Variants in PCDHGB4 observed in about 807,000 individuals in gnomAD.
PCDHGB4 encodes protocadherin gamma subfamily B, 4.
A neutral mutation model predicts 60.5 loss-of-function variants in PCDHGB4; 38 were observed. That is an observed-to-expected ratio of 0.63 (90% CI 0.48 to 0.82). The LOEUF is 0.82. PCDHGB4 is among the 40% of genes least tolerant of loss of function. The pLI, the probability that PCDHGB4 is intolerant of heterozygous loss-of-function variation, is 0.00. For synonymous variants in PCDHGB4, 456 were observed against 509.7 expected, an observed-to-expected ratio of 0.89 and a Z score of 1.42; for missense variants, 1,109 against 1,209.6, an observed-to-expected ratio of 0.92 and a Z score of 1.23.
In PCDHGB4 at chr5:141,432,278, A is replaced by G. The variant is rs923930127; in HGVS notation, c.2397+41997A>G. On this transcript the variant is annotated intron_variant, in intron 1 of 3. Transcript: ENST00000519479. The surrounding 1 kb of genome is among the most constrained non-coding windows in gnomAD (Gnocchi z 6.0). ...GGCAAGCCTATCGTCCTACGTGTCC[A>G]TCAACTCCGACACTGGGGTACTGTA... 3.7e-5 allele frequency: 59 copies of G among 1,614,078 alleles called. No individual in the cohort carries two copies. Among genetic ancestry groups the G allele is most frequent in the Non-Finnish European group, 4.7e-5 (55 of 1,180,036 alleles).
Position 141,486,650 on chromosome 5 carries a change from T to C in PCDHGB4, c.2398-8157T>C, listed in dbSNP as rs1321605826. On this transcript the variant is annotated intron_variant, in intron 1 of 3. Coordinates refer to ENST00000519479, the MANE Select transcript of PCDHGB4 (RefSeq NM_003736.4). The surrounding 1 kb of genome is among the most constrained non-coding windows in gnomAD (Gnocchi z 5.0). ...TGGCTTGAATGCGCTTATCTCCTAC[T>C]CACTCCTGGAGCCCAGGAATCGAGA... is the stretch of plus-strand genomic sequence containing the variant. The C allele has an allele frequency of 6.2e-7, 1 of 1,613,834 alleles. No individual in the cohort carries two copies. Among genetic ancestry groups the C allele is most frequent in the African/African-American group, 1.3e-5 (1 of 74,938 alleles).
At chr5:141,478,926 G>A in intron 1 of PCDHGB4, 1 of 687,216 alleles carries the variant, frequency 1.5e-6, no homozygotes, top group Non-Finnish European at 2.3e-6. Flanking sequence ...CTAACCAGTG[G>A]CAGCTTCTAG....
chr5:141,404,764 C>A lies in PCDHGB4; in HGVS notation c.2397+14483C>A, dbSNP rs371618979. 152 of 1,613,920 alleles carry A rather than the reference C, an allele frequency of 9.4e-5. 1 individual carries two copies. In the African/African-American group the frequency reaches 1.6e-3, roughly 17 times the overall value. ...GAGACTCAGGCCAGAATGCTTGGCT[C>A]TCCTACCGCCTATTCAAGGCCAGTG... On this transcript the variant is annotated intron_variant, in intron 1 of 3. Coordinates refer to ENST00000519479, the MANE Select transcript of PCDHGB4 (RefSeq NM_003736.4).
chr5:141,422,349 T>C (rs768693451), intron 1 of PCDHGB4: 95 of 1,554,604 alleles, frequency 6.1e-5, no homozygotes, highest in Non-Finnish European at 8.2e-5. Flanking sequence ...ATGTGCAAGA[T>C]CAAGATTCTG....
chr5:141,456,389 TTTGA>T (rs1181323617), intron 1 of PCDHGB4, among the ~76,000 whole-genome samples: 2 of 152,074 alleles, frequency 1.3e-5, no homozygotes, highest in Non-Finnish European at 2.9e-5. Flanking sequence ...CCGTTTGGAG[TTTGA>T]TTGCTTCTAG....
At chr5:141,461,011 A>G (rs971172615) in intron 1 of PCDHGB4, among the ~76,000 whole-genome samples, 2 of 151,288 alleles carry the variant, frequency 1.3e-5, no homozygotes, top group Non-Finnish European at 2.9e-5. Context: ...ATATATATAT[A>G]CCACATTTTC....
rs767497197 is a variant in PCDHGB4, at chr5:141,486,350, T to C, written c.2398-8457T>C. The C allele has an allele frequency of 6.2e-7, 1 of 1,614,128 alleles. No homozygotes were observed. Among genetic ancestry groups the C allele is most frequent in the South Asian group, 1.1e-5 (1 of 91,074 alleles). On this transcript the variant is annotated intron_variant, in intron 1 of 3. Transcript: ENST00000519479. The surrounding 1 kb of genome is among the most constrained non-coding windows in gnomAD (Gnocchi z 5.0). ...TGTGAGCCTCCGCATTCCTGACCAC[T>C]TGCCATTTGCCCTCAAGTCTGCCTT...
intron 1 of PCDHGB4, among the ~76,000 whole-genome samples, chr5:141,449,339 G>T (rs1307731679): frequency 6.6e-6 from 1 of 151,930 alleles, no homozygotes; most frequent in Non-Finnish European, 1.5e-5. Context: ...AGGTGCAGTG[G>T]CTCACTCCTG....
chr5:141,422,520 G>T, intron 1 of PCDHGB4: 2 of 1,613,946 alleles, frequency 1.2e-6, no homozygotes, highest in Middle Eastern at 1.6e-4. Flanking sequence ...AGGGAAGCCC[G>T]CCTTTGTCTG....
At chr5:141,453,989 A>T (rs902043628) in intron 1 of PCDHGB4, among the ~76,000 whole-genome samples, 6 of 152,256 alleles carry the variant, frequency 3.9e-5, no homozygotes, top group African/African-American at 1.4e-4. Context: ...CCTTCCAGTG[A>T]TAAACCCACA....
At chr5:141,394,338 T>C in intron 1 of PCDHGB4, 2 of 1,614,048 alleles carry the variant, frequency 1.2e-6, no homozygotes, top group Non-Finnish European at 1.7e-6. Flanking sequence ...CTCCATCAAC[T>C]CTGACACCGG....
Position 141,431,570 on chromosome 5 carries a change from G to T in PCDHGB4, c.2397+41289G>T. On this transcript the variant is annotated intron_variant, in intron 1 of 3. Coordinates refer to ENST00000519479, the MANE Select transcript of PCDHGB4 (RefSeq NM_003736.4). This position sits in a 1 kb window ranked among gnomAD's most constrained non-coding sequence, Gnocchi z 4.8. The stretch of plus-strand genomic sequence containing the variant: ...TGTAGTCAACGCTACCGACCCTGAC[G>T]AAGGAGTCAATGCGGAAGTGAGGTA... The T allele has an allele frequency of 6.2e-7, 1 of 1,614,172 alleles. No homozygotes were observed. Among genetic ancestry groups the T allele is most frequent in the Non-Finnish European group, 8.5e-7 (1 of 1,180,024 alleles).
At position 141,486,367 on chromosome 5, in the gene PCDHGB4, G is replaced by A; in HGVS notation, c.2398-8440G>A. On this transcript the variant is annotated intron_variant, in intron 1 of 3. Coordinates refer to ENST00000519479, the MANE Select transcript of PCDHGB4 (RefSeq NM_003736.4). This position sits in a 1 kb window ranked among gnomAD's most constrained non-coding sequence, Gnocchi z 5.0. Reference sequence around the variant, plus strand: ...CTGACCACTTGCCATTTGCCCTCAAGTCTGCCTTCAGGAACCAGTTCTCCC... The same window carrying A: ...CTGACCACTTGCCATTTGCCCTCAAATCTGCCTTCAGGAACCAGTTCTCCC... 1 of 1,614,148 alleles carries A rather than the reference G, an allele frequency of 6.2e-7. No individual in the cohort carries two copies. Among genetic ancestry groups the A allele is most frequent in the Non-Finnish European group, 8.5e-7 (1 of 1,180,022 alleles).
chr5:141,422,390 C>T, intron 1 of PCDHGB4: 1 of 1,591,016 alleles, frequency 6.3e-7, no homozygotes, highest in Non-Finnish European at 8.5e-7. Flanking sequence ...TGTTTTATTC[C>T]TAACCACCTG....
Position 141,511,126 on chromosome 5 carries a change from G to A in PCDHGB4, c.2725G>A (p.Gly909Ser). The A allele has an allele frequency of 1.9e-6, 3 of 1,614,212 alleles. No individual in the cohort carries two copies. The highest frequency in any genetic ancestry group is 2.2e-5 in the South Asian group (2 of 91,086). The change falls in exon 4 of 4, where the codon GGT becomes AGT. Residue 909 changes from glycine to serine, a missense_variant. Coordinates refer to ENST00000519479, the MANE Select transcript of PCDHGB4 (RefSeq NM_003736.4). ...AGKRDGKAPA[G>S]GNGNKKKSGK... ...CAAGCGGGATGGCAAGGCCCCAGCA[G>A]GTGGCAATGGCAACAAGAAGAAGTC...
chr5:141,450,569 T>G (rs1325535745), intron 1 of PCDHGB4, among the ~76,000 whole-genome samples: 1 of 149,800 alleles, frequency 6.7e-6, no homozygotes, highest in African/African-American at 2.5e-5. Flanking sequence ...TCACTGCAAC[T>G]TCTGCCTCCC....
At chr5:141,410,105 A>G in intron 1 of PCDHGB4, 1 of 1,612,376 alleles carries the variant, frequency 6.2e-7, no homozygotes, top group South Asian at 1.1e-5. Context: ...CTTAGGCGAC[A>G]GGGACGCAGC....
intron 1 of PCDHGB4, chr5:141,441,743 C>T (rs1298220876): frequency 1.4e-5 from 5 of 367,166 alleles, no homozygotes; most frequent in Non-Finnish European, 2.2e-5. Context: ...AGCTCGCGCT[C>T]GGCGTCAACG....
Position 141,422,537 on chromosome 5 carries a change from C to T in PCDHGB4, c.2397+32256C>T, listed in dbSNP as rs993210917. 2.5e-6 allele frequency: 4 copies of T among 1,613,874 alleles called. No individual in the cohort carries two copies. Among genetic ancestry groups the T allele is most frequent in the Non-Finnish European group, 3.4e-6 (4 of 1,179,894 alleles). ...GGAAGCCCGCCTTTGTCTGCAGAAA[C>T]TCATGTCTGGCTGAATGTGGCAGAT... is the stretch of plus-strand genomic sequence containing the variant. On this transcript the variant is annotated intron_variant, in intron 1 of 3. Coordinates refer to ENST00000519479, the MANE Select transcript of PCDHGB4 (RefSeq NM_003736.4).
Sources: gnomAD v4.1 joint callset for allele counts (sites outside exome capture counted in the v4.1 genomes callset) on GRCh38, gnomAD v4.1.1 for gene constraint, Gnocchi (gnomAD v3.1) non-coding constraint, MANE v1.5 for transcripts, NCBI Gene and HGNC (gene_info 2026-07-23, HGNC 2026-07-21) for gene names.